Variants in PRKAG1 observed in about 807,000 individuals in gnomAD.
PRKAG1 encodes the protein protein kinase AMP-activated non-catalytic subunit gamma 1, also known as 5'-AMP-activated protein kinase subunit gamma-1.
Under a neutral mutation model 48.2 loss-of-function variants are expected in PRKAG1, and 27 were observed. That is an observed-to-expected ratio of 0.56 (90% CI 0.41 to 0.77). The LOEUF (loss-of-function observed/expected upper bound fraction) is 0.77, where lower values mean the gene tolerates loss of function less well. Among genes scored for constraint, PRKAG1 ranks in the 30% least tolerant of loss-of-function variants. The pLI is 0.00. For synonymous variants in PRKAG1, 130 were observed against 147.7 expected, an observed-to-expected ratio of 0.88 and a Z score of 0.87; for missense variants, 287 against 398.3, an observed-to-expected ratio of 0.72 and a Z score of 2.38.
chr12:49,017,528 CT>C, intron 1 of PRKAG1: 1 of 242,518 alleles, frequency 4.1e-6, no homozygotes, highest in Non-Finnish European at 8.4e-6. Context: ...TCTTTTTCCT[CT>C]TTTTAACTTC....
chr12:49,011,160 G>A (rs1023664354), intron 2 of PRKAG1, among the ~76,000 whole-genome samples: 4 of 152,090 alleles, frequency 2.6e-5, no homozygotes, highest in Admixed American at 6.6e-5. Flanking sequence ...CCAATCTACC[G>A]TCTTTAACTG....
At chr12:49,003,656 A>G (rs1941394835) in intron 9 of PRKAG1, 61 bp from the exon 10 acceptor site, 9 of 1,611,220 alleles carry the variant, frequency 5.6e-6, no homozygotes, top group Non-Finnish European at 7.6e-6. Flanking sequence ...CCCTACTCAT[A>G]GAATCACCCT....
At chr12:49,012,810 T>A in intron 2 of PRKAG1, 1 of 482,904 alleles carries the variant, frequency 2.1e-6, no homozygotes, top group Non-Finnish European at 3.7e-6. Flanking sequence ...GAGTTGCCTA[T>A]GGAAGTTTTG....
chr12:49,013,151 A>C, intron 1 of PRKAG1, 41 bp from the exon 2 acceptor site: 1 of 1,572,176 alleles, frequency 6.4e-7, no homozygotes, highest in Non-Finnish European at 8.8e-7. Context: ...ACCTGGTTCC[A>C]TCCATTTTAG....
At chr12:49,018,514 T>C (rs1324292539) in intron 1 of PRKAG1, 9 of 1,423,522 alleles carry the variant, frequency 6.3e-6, no homozygotes, top group African/African-American at 4.4e-5. Context: ...GGGCTAAGGG[T>C]ACCGCGTACG....
At chr12:49,004,483 A>G in intron 8 of PRKAG1, 24 bp downstream of exon 8, 1 of 1,607,808 alleles carries the variant, frequency 6.2e-7, no homozygotes, top group Non-Finnish European at 8.5e-7. Flanking sequence ...AAGAGAAAAA[A>G]GAACTGGGCT....
chr12:49,005,814 T>C lies in PRKAG1; in HGVS notation c.97A>G (p.Met33Val). The C allele has an allele frequency of 1.9e-6, 3 of 1,613,762 alleles. No individual in the cohort carries two copies. Among genetic ancestry groups the C allele is most frequent in the South Asian group, 1.1e-5 (1 of 91,034 alleles). Residue 33 changes from methionine to valine, a missense_variant, in exon 3 of 12, where the codon ATG becomes GTG. This residue lies in a region of PRKAG1 where 63 missense variants were observed against 54.0 expected (regional missense o/e 1.17). Coordinates refer to ENST00000548065, the MANE Select transcript of PRKAG1 (RefSeq NM_002733.5). This position sits in a 1 kb window ranked among gnomAD's most constrained non-coding sequence, Gnocchi z 4.1. ...ESNNSVYTSF[M>V]KSHRCYDLIP... ...AGGTCATAGCAGCGATGAGACTTCA[T>C]GAAGGAAGTATACACGCTATTGTTG...
intron 2 of PRKAG1, among the ~76,000 whole-genome samples, chr12:49,010,536 T>C (rs889584655): frequency 6.6e-6 from 1 of 152,174 alleles, no homozygotes; most frequent in Non-Finnish European, 1.5e-5. Context: ...CCGAGTCCCT[T>C]GCCAGATTTC....
chr12:49,016,902 G>A, intron 1 of PRKAG1: 1 of 340,280 alleles, frequency 2.9e-6, no homozygotes. Flanking sequence ...ATCTTAGCCT[G>A]CTTTTCCAGT....
At chr12:49,003,106 G>A (rs1941356072) in intron 11 of PRKAG1, 38 bp downstream of exon 11, 2 of 1,613,606 alleles carry the variant, frequency 1.2e-6, no homozygotes, top group Non-Finnish European at 1.7e-6. Flanking sequence ...TCTCAAGGCT[G>A]CTCCCCTCAG....
rs572535996 is a variant in PRKAG1 at position 49,015,859 on chromosome 12, C to T, written c.10-2749G>A. On this transcript the variant is annotated intron_variant, in intron 1 of 11. Coordinates refer to ENST00000548065, the MANE Select transcript of PRKAG1 (RefSeq NM_002733.5). ...CCAAAGTGCTGGGATTACAGGTATG[C>T]GCCACCGAGCCTGGCCGTGACTTTT... is the stretch of plus-strand genomic sequence containing the variant. 5.3e-5 allele frequency among the ~76,000 whole-genome samples: 8 copies of T among 151,860 alleles called. No individual in the cohort carries two copies. In the South Asian group the frequency reaches 1.7e-3, roughly 32 times the overall value.
chr12:49,008,418 C>T (rs1329215462), intron 2 of PRKAG1: 2 of 152,222 alleles, frequency 1.3e-5, no homozygotes, highest in Non-Finnish European at 2.9e-5. Context: ...TCCCTGGAGC[C>T]TTCTGACCTG....
intron 1 of PRKAG1, 68 bp from the exon 2 acceptor site, chr12:49,013,178 G>T: frequency 7.3e-7 from 1 of 1,371,430 alleles, no homozygotes; most frequent in Non-Finnish European, 1.0e-6. Flanking sequence ...AACATTAGGG[G>T]AAGGGCTGGT....
chr12:49,014,166 G>A (rs558837375), intron 1 of PRKAG1, among the ~76,000 whole-genome samples: 4 of 152,188 alleles, frequency 2.6e-5, no homozygotes, highest in African/African-American at 4.8e-5. Flanking sequence ...TTACAGGCAT[G>A]AGCCACCACG....
At chr12:49,008,238 C>A (rs1941622023) in intron 2 of PRKAG1, among the ~76,000 whole-genome samples, 1 of 151,942 alleles carries the variant, frequency 6.6e-6, no homozygotes, top group Non-Finnish European at 1.5e-5. Flanking sequence ...TTTCTTCCTT[C>A]ACAACTTTGT....
At position 49,003,835 on chromosome 12, in the gene PRKAG1, T is replaced by G; in HGVS notation, c.625A>C (p.Thr209Pro). Residue 209 changes from threonine (T) to proline (P), a missense_variant, in exon 9 of 12, where the codon ACT (threonine) becomes CCT (proline). Thr to Pro is a conservative substitution (Grantham distance 38, BLOSUM62 -1). Transcript: ENST00000548065. ...AGAGCCACATAGACGGGGGTGGTAG[T>G]GCGAACCATAGCAATATTGGCATAG... ...GTYANIAMVR[T>P]TTPVYVALGI... The G allele has an allele frequency of 6.8e-6, 11 of 1,614,128 alleles. No individual in the cohort carries two copies. The highest frequency in any genetic ancestry group is 9.3e-6 in the Non-Finnish European group (11 of 1,179,986).
At chr12:49,015,596 A>G (rs1376258453) in intron 1 of PRKAG1, among the ~76,000 whole-genome samples, 1 of 152,116 alleles carries the variant, frequency 6.6e-6, no homozygotes, top group Non-Finnish European at 1.5e-5. Context: ...GCGGGTGGGC[A>G]GAGTCTCGCT....
chr12:49,005,623 TG>T lies in PRKAG1; in HGVS notation c.169-81del. On this transcript the variant is annotated intron_variant, in intron 3 of 11. Transcript: ENST00000548065. This position sits in a 1 kb window ranked among gnomAD's most constrained non-coding sequence, Gnocchi z 4.1. Reference sequence around the variant, plus strand: ...AAAAAAGAACAGTGTTTGGGCATGTTGGGTAAAACATGAGACTAACTTCACA... The same window carrying T: ...AAAAAAGAACAGTGTTTGGGCATGTTGGTAAAACATGAGACTAACTTCACA... 6.2e-7 allele frequency: 1 copy of T among 1,613,188 alleles called. No homozygotes were observed. Among genetic ancestry groups the T allele is most frequent in the Non-Finnish European group, 8.5e-7 (1 of 1,179,606 alleles).
At position 49,007,859 on chromosome 12, in the gene PRKAG1, CTTT is replaced by C. The variant is rs766217437; in HGVS notation, c.59-2010_59-2008del. On this transcript the variant is annotated intron_variant, in intron 2 of 11. Transcript: ENST00000548065. The stretch of plus-strand genomic sequence containing the variant: ...ATGTTGGTTATATCCGTATTTCAAT[CTTT>C]TTTTTTTTTTTTTTTGAGAGGGAGT... Among the ~76,000 whole-genome samples the C allele has an allele frequency of 7.0e-4, 96 of 136,492 alleles. 1 individual carries two copies. In the Middle Eastern group the frequency reaches 0.011, roughly 16 times the overall value. 89.5% of individuals were successfully genotyped at this position (136,492 alleles called of 152,430 possible). A position where few individuals can be genotyped will look rare whatever the true frequency, so the allele number is the denominator to read the frequency against.
Sources: gnomAD v4.1 joint callset for allele counts (sites outside exome capture counted in the v4.1 genomes callset) on GRCh38, gnomAD v4.1.1 for gene constraint, gnomAD v4.1.1 regional missense constraint, Gnocchi (gnomAD v3.1) non-coding constraint, MANE v1.5 for transcripts, NCBI Gene and HGNC (gene_info 2026-07-23, HGNC 2026-07-21) for gene names.